MACROD2: variants seen among roughly 807,000 people sequenced by gnomAD.
MACROD2 encodes mono-ADP ribosylhydrolase 2.
MACROD2 carries 36 observed loss-of-function variants against 70.4 expected under a neutral mutation model. The observed-to-expected ratio is 0.51, with a 90% CI of 0.39 to 0.68. MACROD2 has a LOEUF of 0.68. MACROD2 is among the 30% of genes least tolerant of loss of function. The pLI is 0.00. For missense variants in MACROD2, 496 were observed against 538.4 expected, an observed-to-expected ratio of 0.92 and a Z score of 0.78; for synonymous variants, 172 against 178.8, an observed-to-expected ratio of 0.96 and a Z score of 0.30.
chr20:15,013,585 A>T (rs1165931280), intron 5 of MACROD2, among the ~76,000 whole-genome samples: 1 of 152,068 alleles, frequency 6.6e-6, no homozygotes, highest in Non-Finnish European at 1.5e-5. Context: ...AGGGGTATAG[A>T]GGCTTGACTT....
rs574944158 is a variant in MACROD2 at position 14,778,297 on chromosome 20, C to T, written c.418+93338C>T. On this transcript the variant is annotated intron_variant, in intron 5 of 17. Coordinates refer to ENST00000684519, the MANE Select transcript of MACROD2 (RefSeq NM_001351661.2). ...GCTCTTTACATCTCTGTCATTGCGC[C>T]CTGTCCGGTAGGAGCAGCTGAATGC... 5.3e-5 allele frequency among the ~76,000 whole-genome samples: 8 copies of T among 152,178 alleles called. No individual in the cohort carries two copies. In the East Asian group the frequency reaches 1.3e-3, roughly 26 times the overall value.
At chr20:15,789,059 G>A (rs6079969) in intron 8 of MACROD2, among the ~76,000 whole-genome samples, 11,320 of 152,176 alleles carry the variant, frequency 0.074, 814 homozygotes, top group East Asian at 0.37. Context: ...TTGCATTTTA[G>A]GCTGAATGAA....
At chr20:15,692,373 C>T (rs2050309300) in intron 8 of MACROD2, among the ~76,000 whole-genome samples, 1 of 152,102 alleles carries the variant, frequency 6.6e-6, no homozygotes, top group African/African-American at 2.4e-5. Context: ...AGACTGAGCA[C>T]AGGGGCCATT....
intron 3 of MACROD2, among the ~76,000 whole-genome samples, chr20:14,204,489 T>C (rs1488039818): frequency 1.3e-5 from 2 of 152,120 alleles, no homozygotes; most frequent in African/African-American, 4.8e-5. Context: ...GGTATGTGTG[T>C]GTGACCCAGT....
At chr20:14,461,547 C>T (rs909286704) in intron 3 of MACROD2, among the ~76,000 whole-genome samples, 6 of 151,478 alleles carry the variant, frequency 4.0e-5, no homozygotes, top group African/African-American at 7.3e-5. Flanking sequence ...ATGTCCACAA[C>T]GTGAAGGTGC....
At chr20:15,702,905 G>T (rs1457037179) in intron 8 of MACROD2, among the ~76,000 whole-genome samples, 1 of 152,200 alleles carries the variant, frequency 6.6e-6, no homozygotes, top group Non-Finnish European at 1.5e-5. Context: ...TAAGGCCACA[G>T]TAACCTAAAC....
chr20:15,552,274 A>C (rs1270155886), intron 8 of MACROD2: 2 of 152,032 alleles, frequency 1.3e-5, no homozygotes, highest in Non-Finnish European at 2.9e-5. Context: ...GTCTTTCTTT[A>C]GTTTTCTTGA....
At chr20:15,482,341 C>T (rs2146456460) in intron 7 of MACROD2, among the ~76,000 whole-genome samples, 1 of 152,258 alleles carries the variant, frequency 6.6e-6, no homozygotes, top group South Asian at 2.1e-4. Flanking sequence ...AAATGCCCGA[C>T]ATCATATGTC....
chr20:14,787,420 T>A (rs1009860033), intron 5 of MACROD2, among the ~76,000 whole-genome samples: 2 of 152,086 alleles, frequency 1.3e-5, no homozygotes, highest in Non-Finnish European at 2.9e-5. Context: ...AAGTTCAAAG[T>A]TGACAGTGAG....
Position 15,513,560 on chromosome 20 carries a change from C to CTG in MACROD2, c.645+13714_645+13715dup, listed in dbSNP as rs78328926. ...ATCTTCAATATATGTACCAGAGGCT[C>CTG]TGCGTGTGTGTGTGTGCGTGCACGT... On this transcript the variant is annotated intron_variant, in intron 8 of 17. Transcript: ENST00000684519. Among the ~76,000 whole-genome samples the CTG allele has an allele frequency of 2.2e-3, 327 of 151,938 alleles. 1 individual carries two copies. The highest frequency in any genetic ancestry group is 3.5e-3 in the Non-Finnish European group (241 of 67,954).
intron 6 of MACROD2, among the ~76,000 whole-genome samples, chr20:15,344,603 GA>G (rs1206140338): frequency 2.0e-5 from 3 of 152,018 alleles, no homozygotes; most frequent in Non-Finnish European, 2.9e-5. Context: ...CATCAGCCTT[GA>G]AAACCTGTTT....
intron 5 of MACROD2, among the ~76,000 whole-genome samples, chr20:15,149,586 C>T (rs959503586): frequency 1.7e-4 from 26 of 151,818 alleles, no homozygotes; most frequent in Non-Finnish European, 2.9e-4. Context: ...AAAGTATATG[C>T]GTCAGGTGTG....
intron 3 of MACROD2, among the ~76,000 whole-genome samples, chr20:14,392,672 C>A (rs763726588): frequency 2.6e-5 from 4 of 152,126 alleles, no homozygotes; most frequent in Non-Finnish European, 4.4e-5. Flanking sequence ...CAAAATGAAT[C>A]TACATTTTGT....
chr20:14,271,905 T>C (rs2082199756), intron 3 of MACROD2, among the ~76,000 whole-genome samples: 1 of 151,694 alleles, frequency 6.6e-6, no homozygotes, highest in African/African-American at 2.4e-5. Flanking sequence ...TGATGGAAGA[T>C]GAAATGAATG....
chr20:14,858,927 A>C (rs1037455553), intron 5 of MACROD2, among the ~76,000 whole-genome samples: 3 of 152,114 alleles, frequency 2.0e-5, no homozygotes, highest in African/African-American at 7.2e-5. Flanking sequence ...GCAGAACATG[A>C]AGTACTAATT....
At chr20:14,451,636 TAG>T (rs1000233620) in intron 3 of MACROD2, among the ~76,000 whole-genome samples, 1 of 152,080 alleles carries the variant, frequency 6.6e-6, no homozygotes, top group African/African-American at 2.4e-5. Context: ...CCAGGGCACG[TAG>T]ACTCAGCGGC....
At chr20:15,883,840 C>CAGG (rs1279327529) in intron 9 of MACROD2, among the ~76,000 whole-genome samples, 1 of 152,072 alleles carries the variant, frequency 6.6e-6, no homozygotes, top group Non-Finnish European at 1.5e-5. Context: ...AAGGAATATA[C>CAGG]AGGAACAGAA....
chr20:15,254,576 A>G (rs2077182511), intron 6 of MACROD2, among the ~76,000 whole-genome samples: 2 of 152,186 alleles, frequency 1.3e-5, no homozygotes. Context: ...TTTAAGAGTT[A>G]GGTAAGTTGA....
chr20:14,050,087 CAAAA>C (rs759223916), intron 2 of MACROD2, among the ~76,000 whole-genome samples: 1 of 85,866 alleles, frequency 1.2e-5, no homozygotes. Context: ...ACTCCCATCT[CAAAA>C]AAAAAAAAAA....
Sources: gnomAD v4.1 joint callset for allele counts (sites outside exome capture counted in the v4.1 genomes callset) on GRCh38, gnomAD v4.1.1 for gene constraint, MANE v1.5 for transcripts, NCBI Gene and HGNC (gene_info 2026-07-23, HGNC 2026-07-21) for gene names.